Variants in PPP2R2C observed in about 807,000 individuals in gnomAD.
PPP2R2C encodes the protein protein phosphatase 2, regulatory subunit B, gamma.
PPP2R2C carries 10 observed loss-of-function variants against 45.3 expected under a neutral mutation model. That is an observed-to-expected ratio of 0.22 (90% CI 0.14 to 0.37). PPP2R2C has a LOEUF of 0.37. Ranked by LOEUF, PPP2R2C falls within the 10% of genes least tolerant of loss-of-function variation. PPP2R2C has a pLI of 1.00. For missense variants in PPP2R2C, 308 were observed against 619.7 expected (o/e 0.50, Z 5.34); for synonymous variants, 257 against 245.4 (o/e 1.05, Z -0.44).
At chr4:6,546,304 G>A (rs957142342) in intron 1 of PPP2R2C, among the ~76,000 whole-genome samples, 2 of 152,172 alleles carry the variant, frequency 1.3e-5, no homozygotes, top group Admixed American at 1.3e-4. Flanking sequence ...TTCACACCTG[G>A]GAGGGGGTGC....
intron 6 of PPP2R2C, among the ~76,000 whole-genome samples, chr4:6,334,020 G>A (rs959365463): frequency 6.6e-6 from 1 of 152,186 alleles, no homozygotes; most frequent in African/African-American, 2.4e-5. Flanking sequence ...GTCGGGATTT[G>A]AAGCCAAAGC....
At chr4:6,518,922 TAAAA>T (rs56002128) in intron 2 of PPP2R2C, among the ~76,000 whole-genome samples, 11 of 92,912 alleles carry the variant, frequency 1.2e-4, no homozygotes, top group African/African-American at 6.8e-4. Context: ...GACTCTGTCT[TAAAA>T]AAAAAAAAAA....
chr4:6,356,154 G>A lies in PPP2R2C; in HGVS notation c.626-8144C>T, dbSNP rs866772042. Among the ~76,000 whole-genome samples the A allele has an allele frequency of 8.5e-5, 13 of 152,282 alleles. No individual in the cohort carries two copies. In the South Asian group the frequency reaches 2.3e-3, roughly 27 times the overall value. ...CCCATGAGCGAGATCTTTTTAGGTT[G>A]CAAATACTGGCTGACCTGCTTGTGT... On this transcript the variant is annotated intron_variant, in intron 5 of 8. Transcript: ENST00000382599.
chr4:6,459,196 C>T (rs1343853382), intron 1 of PPP2R2C, among the ~76,000 whole-genome samples: 1 of 152,042 alleles, frequency 6.6e-6, no homozygotes, highest in Non-Finnish European at 1.5e-5. Context: ...GGGCTGGAGG[C>T]TCTACCTGTA....
At chr4:6,459,195 G>T (rs922888956) in intron 1 of PPP2R2C, among the ~76,000 whole-genome samples, 2 of 152,124 alleles carry the variant, frequency 1.3e-5, no homozygotes, top group Non-Finnish European at 2.9e-5. Context: ...AGGGCTGGAG[G>T]CTCTACCTGT....
chr4:6,560,937 C>T (rs1577259517), intron 1 of PPP2R2C, among the ~76,000 whole-genome samples: 2 of 152,246 alleles, frequency 1.3e-5, no homozygotes, highest in African/African-American at 2.4e-5. Flanking sequence ...CCCACCCTTC[C>T]TCCTCTTTGT....
intron 8 of PPP2R2C, among the ~76,000 whole-genome samples, 163 bp from the exon 9 acceptor site, chr4:6,323,756 C>T (rs919063873): frequency 2.0e-5 from 3 of 151,736 alleles, no homozygotes; most frequent in Non-Finnish European, 4.4e-5. Flanking sequence ...GACAACATAG[C>T]GAGACTCCAC....
At chr4:6,423,292 C>T (rs1719091471) in intron 1 of PPP2R2C, among the ~76,000 whole-genome samples, 1 of 152,206 alleles carries the variant, frequency 6.6e-6, no homozygotes, top group African/African-American at 2.4e-5. Flanking sequence ...CAACCTCTGC[C>T]TCCCGGATTC....
At chr4:6,369,861 T>C (rs114350137) in intron 5 of PPP2R2C, among the ~76,000 whole-genome samples, 3,422 of 152,088 alleles carry the variant, frequency 0.023, 57 homozygotes, top group Middle Eastern at 0.075. Flanking sequence ...CAGGGAAGGG[T>C]TGAGTTTCTC....
chr4:6,467,042 G>A (rs562314047), intron 1 of PPP2R2C, among the ~76,000 whole-genome samples: 1 of 152,272 alleles, frequency 6.6e-6, no homozygotes, highest in African/African-American at 2.4e-5. Context: ...GCAGTGCAGG[G>A]AAACTGAGGC....
intron 6 of PPP2R2C, among the ~76,000 whole-genome samples, chr4:6,334,636 C>T (rs987574308): frequency 3.9e-5 from 6 of 152,144 alleles, no homozygotes; most frequent in Admixed American, 3.9e-4. Context: ...GCACTAACTC[C>T]CTAGGACCTG....
At chr4:6,532,601 C>T (rs531558253) in intron 2 of PPP2R2C, among the ~76,000 whole-genome samples, 2 of 152,276 alleles carry the variant, frequency 1.3e-5, no homozygotes, top group African/African-American at 4.8e-5. Context: ...TTTTAAAAGG[C>T]AAAATAAAGA....
intron 5 of PPP2R2C, among the ~76,000 whole-genome samples, chr4:6,369,049 G>A (rs141199185): frequency 6.6e-6 from 1 of 152,340 alleles, no homozygotes; most frequent in African/African-American, 2.4e-5. Context: ...CCTTAACATT[G>A]AAGCACATGT....
At chr4:6,500,312 T>C (rs997228308) in intron 2 of PPP2R2C, among the ~76,000 whole-genome samples, 24 of 152,240 alleles carry the variant, frequency 1.6e-4, no homozygotes, top group African/African-American at 5.8e-4. Context: ...CATACCCAGA[T>C]GATCTTTGTA....
chr4:6,549,169 C>A (rs1725095658), intron 1 of PPP2R2C, among the ~76,000 whole-genome samples: 1 of 152,172 alleles, frequency 6.6e-6, no homozygotes, highest in African/African-American at 2.4e-5. Flanking sequence ...CAAAGTCATC[C>A]CCTGGTTCTC....
chr4:6,367,073 G>A (rs1179632833), intron 5 of PPP2R2C, among the ~76,000 whole-genome samples: 2 of 151,844 alleles, frequency 1.3e-5, no homozygotes, highest in Non-Finnish European at 2.9e-5. Flanking sequence ...GAGGCTGGGA[G>A]GGCTCCTCTT....
chr4:6,507,815 A>G (rs1459457754), intron 2 of PPP2R2C, among the ~76,000 whole-genome samples: 1 of 152,240 alleles, frequency 6.6e-6, no homozygotes, highest in Non-Finnish European at 1.5e-5. Flanking sequence ...GTCTCCTTCA[A>G]GATCAGCTCT....
At chr4:6,445,709 A>T (rs1166078020) in intron 1 of PPP2R2C, among the ~76,000 whole-genome samples, 1 of 152,128 alleles carries the variant, frequency 6.6e-6, no homozygotes, top group Non-Finnish European at 1.5e-5. Flanking sequence ...ACAAGGAGAG[A>T]CCCTGTCTCT....
At chr4:6,473,524 C>A (rs1300528821), upstream of PPP2R2C, among the ~76,000 whole-genome samples, 2 of 152,208 alleles carry the variant, frequency 1.3e-5, no homozygotes. Flanking sequence ...AGGAGCTCAA[C>A]AGAGCCTTCC....
Sources: allele counts gnomAD v4.1 joint callset (sites outside exome capture counted in the v4.1 genomes callset), GRCh38; gene constraint gnomAD v4.1.1; transcripts MANE v1.5; gene names NCBI Gene and HGNC (gene_info 2026-07-23, HGNC 2026-07-21).